Variants in TCHP observed in about 807,000 individuals in gnomAD.
TCHP encodes the protein trichoplein keratin filament-binding protein.
Under a neutral mutation model 88.7 loss-of-function variants are expected in TCHP, and 81 were observed. That is an observed-to-expected ratio of 0.91 (90% CI 0.76 to 1.10). The LOEUF (loss-of-function observed/expected upper bound fraction) is 1.10, where lower values mean the gene tolerates loss of function less well. Among genes scored for constraint, TCHP ranks in the 50% least tolerant of loss-of-function variants. TCHP has a pLI of 0.00. For synonymous variants in TCHP, 232 were observed against 232.5 expected, an observed-to-expected ratio of 1.00 and a Z score of 0.02; for missense variants, 641 against 632.1, an observed-to-expected ratio of 1.01 and a Z score of -0.15.
Position 109,913,983 on chromosome 12 carries a change from G to A in TCHP, c.1135-459G>A, listed in dbSNP as rs575901847. ...CTGGGCTGGAGTTCAGATGTCACAC[G>A]GCTCTGGGGCCAGGTCTCAAACACA... On this transcript the variant is annotated intron_variant, in intron 10 of 12. Coordinates refer to ENST00000405876, the MANE Select transcript of TCHP (RefSeq NM_001143852.2). 7.9e-5 allele frequency among the ~76,000 whole-genome samples: 12 copies of A among 152,242 alleles called. No individual in the cohort carries two copies. In the South Asian group the frequency reaches 2.1e-3, roughly 26 times the overall value.
rs1243631028 is a variant in TCHP, at chr12:109,908,590, C to G, written c.704C>G (p.Thr235Ser). The change falls in exon 7 of 13, where the codon ACC becomes AGC. Residue 235 changes from threonine (T) to serine (S), a missense_variant. By Grantham distance (58) the Thr-to-Ser change is moderately conservative (BLOSUM62 1). Transcript: ENST00000405876. ...TTACTCTCATCATCACCACAGGCGA[C>G]CAAACTAAAGAAGGAGCAGGAGAAT... is the stretch of plus-strand genomic sequence containing the variant. ...EELKLKEVEA[T>S]KLKKEQENLL... 1 of 1,596,746 alleles carries G rather than the reference C, an allele frequency of 6.3e-7. No individual in the cohort carries two copies. Among genetic ancestry groups the G allele is most frequent in the Non-Finnish European group, 8.5e-7 (1 of 1,173,470 alleles).
chr12:109,915,708 A>G (rs1490966667), intron 12 of TCHP, among the ~76,000 whole-genome samples, 162 bp downstream of exon 12: 1 of 152,188 alleles, frequency 6.6e-6, no homozygotes, highest in Non-Finnish European at 1.5e-5. Flanking sequence ...CCTGACCAGC[A>G]GGGAGCCCTG....
chr12:109,890,700 G>A, the TCHP span, among the ~76,000 whole-genome samples: 110 of 152,156 alleles, frequency 7.2e-4, no homozygotes, highest in African/African-American at 2.6e-3. Context: ...AGTAGAGACC[G>A]GCTTTCACCA....
At chr12:109,913,663 C>T (rs1475966675) in intron 10 of TCHP, among the ~76,000 whole-genome samples, 2 of 152,156 alleles carry the variant, frequency 1.3e-5, no homozygotes, top group Non-Finnish European at 2.9e-5. Context: ...ATACCCCAAC[C>T]GCAGAGAAAT....
upstream of TCHP, among the ~76,000 whole-genome samples, chr12:109,896,354 T>G (rs1483666495): frequency 6.6e-6 from 1 of 152,186 alleles, no homozygotes; most frequent in African/African-American, 2.4e-5. Flanking sequence ...GCTTTTATAG[T>G]CTTTGCTGTG....
chr12:109,914,879 T>C (rs1291304393), intron 11 of TCHP: 1 of 463,028 alleles, frequency 2.2e-6, no homozygotes, highest in African/African-American at 2.0e-5. Context: ...CTGCAAGCAG[T>C]TGGCTTACCG....
chr12:109,887,578 C>A, the TCHP span, among the ~76,000 whole-genome samples: 1 of 152,028 alleles, frequency 6.6e-6, no homozygotes, highest in African/African-American at 2.4e-5. Context: ...TTTGATCAAT[C>A]CCCCATAGGT....
intron 1 of TCHP, 87 bp from the exon 2 acceptor site, chr12:109,902,940 G>A (rs1592905303): frequency 9.2e-7 from 1 of 1,086,506 alleles, no homozygotes. Context: ...CCAAGGGGTG[G>A]TGACCACTCG....
rs1870270187 is a variant in TCHP, at chr12:109,908,423, G to A, written c.700-163G>A. On this transcript the variant is annotated intron_variant, in intron 6 of 12. Transcript: ENST00000405876. ...AGGCCCTTGCAGGAAATGGCTCAGA[G>A]GGGATTGGATGAGTAAGTGAGTGGT... Among the ~76,000 whole-genome samples the A allele has an allele frequency of 2.0e-5, 3 of 152,224 alleles. No individual in the cohort carries two copies. The South Asian group carries it at 6.2e-4, about 32-fold the overall frequency.
In TCHP at chr12:109,915,484, C is replaced by T; in HGVS notation, c.1402C>T (p.Leu468Phe). The change falls in exon 12 of 13, where the codon CTC (leucine) becomes TTC (phenylalanine). Residue 468 changes from leucine to phenylalanine, a missense_variant. Leu to Phe is a conservative substitution (Grantham distance 22). Coordinates refer to ENST00000405876, the MANE Select transcript of TCHP (RefSeq NM_001143852.2). Reference sequence around the variant, plus strand: ...GGAGGAGGCCCGGCGGGTCGAGCAGCTCTCAGATGCCCTGCTGCAGCAGGA... The same window carrying T: ...GGAGGAGGCCCGGCGGGTCGAGCAGTTCTCAGATGCCCTGCTGCAGCAGGA... Reference protein sequence around the residue: ...EEEEARRVEQLSDALLQQEAE... With the variant: ...EEEEARRVEQFSDALLQQEAE... 1 of 1,614,098 alleles carries T rather than the reference C, an allele frequency of 6.2e-7. No individual in the cohort carries two copies. Among genetic ancestry groups the T allele is most frequent in the Non-Finnish European group, 8.5e-7 (1 of 1,180,004 alleles).
chr12:109,885,189 C>T, the TCHP span, among the ~76,000 whole-genome samples: 2 of 152,178 alleles, frequency 1.3e-5, no homozygotes, highest in African/African-American at 4.8e-5. Context: ...AGGCTGGTCT[C>T]GAACTCCTGA....
At chr12:109,890,988 C>T in the TCHP span, among the ~76,000 whole-genome samples, 1 of 152,328 alleles carries the variant, frequency 6.6e-6, no homozygotes, top group Non-Finnish European at 1.5e-5. Flanking sequence ...CAGGCATTAG[C>T]ACACAGCCTC....
At chr12:109,915,653 C>A in intron 12 of TCHP, 107 bp downstream of exon 12, 2 of 1,298,334 alleles carry the variant, frequency 1.5e-6, no homozygotes, top group Non-Finnish European at 2.1e-6. Context: ...GCTCTCCGGC[C>A]GTCCGGGTTA....
At chr12:109,899,679 C>A (rs999918499), upstream of TCHP, among the ~76,000 whole-genome samples, 2 of 152,142 alleles carry the variant, frequency 1.3e-5, no homozygotes, top group Non-Finnish European at 2.9e-5. Context: ...CTACTTATGC[C>A]AGCAGGCCTC....
chr12:109,890,848 G>C, the TCHP span, among the ~76,000 whole-genome samples: 2 of 152,110 alleles, frequency 1.3e-5, no homozygotes, highest in African/African-American at 4.8e-5. Flanking sequence ...ATCACTACTG[G>C]AACTTTTCTC....
At chr12:109,915,284 C>G (rs564264852) in intron 11 of TCHP, 119 bp from the exon 12 acceptor site, 10 of 1,392,102 alleles carry the variant, frequency 7.2e-6, no homozygotes, top group Non-Finnish European at 1.0e-5. Flanking sequence ...ACGTGCATTG[C>G]TGTTGCTCAG....
At chr12:109,887,007 T>C in the TCHP span, among the ~76,000 whole-genome samples, 1 of 152,134 alleles carries the variant, frequency 6.6e-6, no homozygotes, top group African/African-American at 2.4e-5. Context: ...GCGCCCGGCC[T>C]AGATGTGCTT....
rs760849081 is a variant in TCHP, at chr12:109,906,576, A to G, written c.461A>G (p.Glu154Gly). ...KKNNPKLREM[E>G]LDLHQKHVVN... The stretch of plus-strand genomic sequence containing the variant: ...TCGTCCCCCTTCCATCCTCAGATGG[A>G]GCTGGACCTTCACCAGAAGCATGTC... Residue 154 changes from glutamate (E) to glycine (G), a missense_variant, in exon 5 of 13, where the codon GAG (glutamate) becomes GGG (glycine). By Grantham distance (98) the Glu-to-Gly change is moderately conservative. Transcript: ENST00000405876. 1 of 1,613,002 alleles carries G rather than the reference A, an allele frequency of 6.2e-7. No individual in the cohort carries two copies. The highest frequency in any genetic ancestry group is 8.5e-7 in the Non-Finnish European group (1 of 1,179,808).
intron 7 of TCHP, 43 bp downstream of exon 7, chr12:109,908,741 C>T (rs373365371): frequency 8.6e-5 from 134 of 1,563,918 alleles, no homozygotes; most frequent in Non-Finnish European, 1.1e-4. Context: ...GGCGGGTGGG[C>T]CTCTTGCTTT....
Sources: allele counts gnomAD v4.1 joint callset (sites outside exome capture counted in the v4.1 genomes callset), GRCh38; gene constraint gnomAD v4.1.1; transcripts MANE v1.5; gene names NCBI Gene and HGNC (gene_info 2026-07-23, HGNC 2026-07-21).